IGF2BP3: variants seen among roughly 807,000 people sequenced by gnomAD.
IGF2BP3 encodes the protein insulin-like growth factor 2 mRNA-binding protein 3.
A neutral mutation model predicts 73.8 loss-of-function variants in IGF2BP3; 9 were observed. The observed-to-expected ratio is 0.12, with a 90% CI of 0.07 to 0.21. IGF2BP3 has a LOEUF of 0.21. IGF2BP3 is among the 10% of genes least tolerant of loss of function. IGF2BP3 has a pLI of 1.00. For missense variants in IGF2BP3, 542 were observed against 714.0 expected (o/e 0.76, Z 2.75); for synonymous variants, 258 against 256.7 (o/e 1.01, Z -0.05).
rs1208698572 is a variant in IGF2BP3, at chr7:23,370,452, C to CT, written c.286-8712dup. On this transcript the variant is annotated intron_variant, in intron 3 of 14. Coordinates refer to ENST00000258729, the MANE Select transcript of IGF2BP3 (RefSeq NM_006547.3). Reference sequence around the variant, plus strand: ...GAACAACAATGTCGGGCATTATAGTCTGTGTACCAATATATATCCTGAAAA... The same window carrying CT: ...GAACAACAATGTCGGGCATTATAGTCTTGTGTACCAATATATATCCTGAAAA... 3.9e-5 allele frequency among the ~76,000 whole-genome samples: 6 copies of CT among 152,258 alleles called. No individual in the cohort carries two copies. The East Asian group carries it at 1.2e-3, about 29-fold the overall frequency.
At chr7:23,352,213 A>G (rs960253486) in intron 5 of IGF2BP3, among the ~76,000 whole-genome samples, 7 of 146,290 alleles carry the variant, frequency 4.8e-5, no homozygotes, top group Non-Finnish European at 1.0e-4. Context: ...AGGGGTGGTG[A>G]TAAACCAAAA....
chr7:23,324,056 G>C (rs1415943761), intron 10 of IGF2BP3, among the ~76,000 whole-genome samples: 2 of 151,988 alleles, frequency 1.3e-5, no homozygotes, highest in Non-Finnish European at 2.9e-5. Flanking sequence ...CAGAAGGCAA[G>C]AAATAACTAA....
chr7:23,397,087 G>C (rs1263372988), intron 3 of IGF2BP3, among the ~76,000 whole-genome samples: 3 of 152,118 alleles, frequency 2.0e-5, no homozygotes, highest in Non-Finnish European at 4.4e-5. Flanking sequence ...CCATACCTCT[G>C]CCTTATATTT....
intron 3 of IGF2BP3, among the ~76,000 whole-genome samples, chr7:23,374,660 G>C (rs1785660987): frequency 1.3e-5 from 2 of 152,118 alleles, no homozygotes; most frequent in Admixed American, 1.3e-4. Context: ...CTGGGTGACA[G>C]AGTGAGACTC....
At chr7:23,360,010 T>C (rs942786167) in intron 5 of IGF2BP3, among the ~76,000 whole-genome samples, 12 of 151,678 alleles carry the variant, frequency 7.9e-5, no homozygotes, top group African/African-American at 2.9e-4. Context: ...TGTTTAAACA[T>C]ATTAAAAGCC....
In IGF2BP3 at chr7:23,310,987, TCA is replaced by T. The variant is rs1343166228; in HGVS notation, c.*1373_*1374del. 6.6e-6 allele frequency: 1 copy of T among 152,202 alleles called. No individual in the cohort carries two copies. Among genetic ancestry groups the T allele is most frequent in the Non-Finnish European group, 1.5e-5 (1 of 68,018 alleles). The allele number at this position is 152,202 out of a possible 1,614,324, so 9.4% of individuals were successfully genotyped here. ...GTTCGTTATCAAAGGTCATATGTTT[TCA>T]CAGTCATTCAAATTATATCCCAAAA... On this transcript the variant is annotated 3_prime_UTR_variant, in exon 15 of 15. Coordinates refer to ENST00000258729, the MANE Select transcript of IGF2BP3 (RefSeq NM_006547.3).
At chr7:23,385,620 G>A (rs1028506839) in intron 3 of IGF2BP3, among the ~76,000 whole-genome samples, 2 of 151,876 alleles carry the variant, frequency 1.3e-5, no homozygotes, top group South Asian at 2.1e-4. Context: ...AGGGGGTGGG[G>A]GGAAGATAAA....
At chr7:23,342,714 A>C (rs73088154) in intron 9 of IGF2BP3, among the ~76,000 whole-genome samples, 30 of 152,320 alleles carry the variant, frequency 2.0e-4, no homozygotes, top group Non-Finnish European at 3.7e-4. Flanking sequence ...ACTGGAATGG[A>C]AATAGGAGCC....
intron 2 of IGF2BP3, among the ~76,000 whole-genome samples, chr7:23,460,558 G>A (rs905237068): frequency 1.3e-5 from 2 of 151,406 alleles, no homozygotes; most frequent in East Asian, 1.9e-4. Context: ...TAGATCAATC[G>A]TCATTTGTCA....
intron 2 of IGF2BP3, among the ~76,000 whole-genome samples, chr7:23,446,841 C>T (rs769423929): frequency 1.3e-5 from 2 of 152,182 alleles, no homozygotes; most frequent in Non-Finnish European, 2.9e-5. Flanking sequence ...CAAAAATCAA[C>T]AAACACCATG....
chr7:23,350,100 G>A (rs763337943), intron 6 of IGF2BP3, among the ~76,000 whole-genome samples: 31 of 152,158 alleles, frequency 2.0e-4, no homozygotes, highest in Non-Finnish European at 3.8e-4. Flanking sequence ...AGGTGGGTAT[G>A]GACCACCACT....
At chr7:23,399,112 T>G (rs570313467) in intron 3 of IGF2BP3, among the ~76,000 whole-genome samples, 1 of 152,310 alleles carries the variant, frequency 6.6e-6, no homozygotes, top group African/African-American at 2.4e-5. Flanking sequence ...GGATCCAGTT[T>G]CAGCTTTCTA....
chr7:23,361,413 T>C (rs1436308526), intron 5 of IGF2BP3, 121 bp downstream of exon 5: 2 of 724,882 alleles, frequency 2.8e-6, no homozygotes, highest in Non-Finnish European at 2.3e-6. Flanking sequence ...CAGGGTCAAA[T>C]TTTGTAAAAT....
chr7:23,414,602 G>A (rs1365165140), intron 3 of IGF2BP3: 1 of 152,356 alleles, frequency 6.6e-6, no homozygotes, highest in African/African-American at 2.4e-5. Flanking sequence ...CAGGGTATAT[G>A]AGGCATTAGG....
intron 3 of IGF2BP3, chr7:23,414,042 C>G (rs545413202): frequency 6.6e-6 from 1 of 152,138 alleles, no homozygotes; most frequent in South Asian, 2.1e-4. Flanking sequence ...CCCAGCCACT[C>G]AGGAGGCTGA....
In IGF2BP3 at chr7:23,316,647, C is replaced by T. The variant is rs551125062; in HGVS notation, c.1395+992G>A. Among the ~76,000 whole-genome samples, 21 of 146,296 alleles carry T rather than the reference C, an allele frequency of 1.4e-4. No homozygotes were observed. In the East Asian group the frequency reaches 3.6e-3, roughly 25 times the overall value. On this transcript the variant is annotated intron_variant, in intron 12 of 14. Coordinates refer to ENST00000258729, the MANE Select transcript of IGF2BP3 (RefSeq NM_006547.3). Reference sequence around the variant, plus strand: ...CTGAGATCACGCCACTGCAGTCCAGCCTGGGCGACAGAGTGAGACTCTGTC... The same window carrying T: ...CTGAGATCACGCCACTGCAGTCCAGTCTGGGCGACAGAGTGAGACTCTGTC...
intron 7 of IGF2BP3, among the ~76,000 whole-genome samples, chr7:23,346,397 A>C (rs1259479603): frequency 1.3e-5 from 2 of 152,194 alleles, no homozygotes; most frequent in Non-Finnish European, 2.9e-5. Flanking sequence ...CAGTACAAAT[A>C]TACACCTGGA....
At chr7:23,361,787 T>C in intron 3 of IGF2BP3, 46 bp from the exon 4 acceptor site, 5 of 1,530,532 alleles carry the variant, frequency 3.3e-6, no homozygotes, top group Non-Finnish European at 4.5e-6. Context: ...GTTTCCCAAG[T>C]TATTATCAAG....
intron 3 of IGF2BP3, among the ~76,000 whole-genome samples, chr7:23,399,537 C>T (rs1330573313): frequency 6.6e-6 from 1 of 152,042 alleles, no homozygotes; most frequent in Non-Finnish European, 1.5e-5. Flanking sequence ...TCATGACAAC[C>T]TTGACTTTAA....
Sources: gnomAD v4.1 joint callset for allele counts (sites outside exome capture counted in the v4.1 genomes callset) on GRCh38, gnomAD v4.1.1 for gene constraint, MANE v1.5 for transcripts, NCBI Gene and HGNC (gene_info 2026-07-23, HGNC 2026-07-21) for gene names.